The following TSPAN18 variants were observed in gnomAD, a reference collection of about 807,000 sequenced individuals.
TSPAN18 encodes the protein tetraspanin-18.
A neutral mutation model predicts 27.3 loss-of-function variants in TSPAN18; 14 were observed. The ratio of observed to expected loss-of-function variants is 0.51; its 90% CI spans 0.34 to 0.80. The LOEUF is 0.80. TSPAN18 is among the 30% of genes least tolerant of loss of function. The pLI is 0.01. For synonymous variants in TSPAN18, 143 were observed against 136.5 expected (o/e 1.05, Z -0.33); for missense variants, 268 against 323.9 (o/e 0.83, Z 1.32).
At chr11:44,813,034 A>G (rs1338210549) in intron 2 of TSPAN18, among the ~76,000 whole-genome samples, 1 of 152,150 alleles carries the variant, frequency 6.6e-6, no homozygotes, top group Non-Finnish European at 1.5e-5. Flanking sequence ...CTCACCTTGC[A>G]GCAGCCTGCT....
chr11:44,880,303 G>A (rs1355671988), intron 3 of TSPAN18, among the ~76,000 whole-genome samples: 1 of 152,228 alleles, frequency 6.6e-6, no homozygotes, highest in African/African-American at 2.4e-5. Context: ...GGTCCCATAC[G>A]CAGGGCTGGA....
chr11:44,877,263 A>G (rs572802714), intron 3 of TSPAN18, among the ~76,000 whole-genome samples: 1 of 152,346 alleles, frequency 6.6e-6, no homozygotes, highest in African/African-American at 2.4e-5. Context: ...TGAAGTCACT[A>G]CTGTGATCTT....
intron 2 of TSPAN18, among the ~76,000 whole-genome samples, chr11:44,801,159 G>T (rs139771354): frequency 4.6e-5 from 7 of 152,254 alleles, no homozygotes; most frequent in Non-Finnish European, 8.8e-5. Context: ...CAGGATTGTC[G>T]GATTGTTGGG....
At chr11:44,745,559 G>A (rs1257678451) in intron 1 of TSPAN18, among the ~76,000 whole-genome samples, 1 of 152,192 alleles carries the variant, frequency 6.6e-6, no homozygotes, top group African/African-American at 2.4e-5. Context: ...GGCATGAGTT[G>A]GGGGGTGTCC....
intron 2 of TSPAN18, among the ~76,000 whole-genome samples, chr11:44,780,964 C>G (rs1398260621): frequency 6.6e-6 from 1 of 152,250 alleles, no homozygotes; most frequent in Non-Finnish European, 1.5e-5. Context: ...GGAGTACCTG[C>G]TTTTCAGACA....
At chr11:44,825,978 A>C (rs1409162937) in intron 2 of TSPAN18, among the ~76,000 whole-genome samples, 2 of 152,144 alleles carry the variant, frequency 1.3e-5, no homozygotes. Flanking sequence ...CTCCTCTCTC[A>C]GCCTGCATTT....
intron 1 of TSPAN18, among the ~76,000 whole-genome samples, chr11:44,731,591 C>A (rs1854655684): frequency 9.1e-6 from 1 of 109,430 alleles, no homozygotes; most frequent in African/African-American, 3.3e-5. Context: ...TTTCTGGGGC[C>A]TGGATTGTGT....
intron 8 of TSPAN18, among the ~76,000 whole-genome samples, chr11:44,922,935 C>A (rs1246920015): frequency 6.6e-6 from 1 of 152,110 alleles, no homozygotes; most frequent in Non-Finnish European, 1.5e-5. Flanking sequence ...ACGGAGAAAC[C>A]CCGTCTCTAC....
At chr11:44,747,017 C>T (rs1855093824) in intron 1 of TSPAN18, among the ~76,000 whole-genome samples, 1 of 152,238 alleles carries the variant, frequency 6.6e-6, no homozygotes, top group African/African-American at 2.4e-5. Context: ...GCTGGCCCAG[C>T]CCTGTGTCCC....
chr11:44,800,436 C>T (rs1856454488), intron 2 of TSPAN18, among the ~76,000 whole-genome samples: 1 of 152,174 alleles, frequency 6.6e-6, no homozygotes, highest in Non-Finnish European at 1.5e-5. Flanking sequence ...GGACTAAATA[C>T]CTGTGCCGTA....
intron 2 of TSPAN18, among the ~76,000 whole-genome samples, chr11:44,843,722 G>A (rs1379810216): frequency 1.3e-5 from 2 of 152,066 alleles, no homozygotes; most frequent in African/African-American, 2.4e-5. Flanking sequence ...TCTCAGGGAC[G>A]TTCCCCATGC....
intron 2 of TSPAN18, among the ~76,000 whole-genome samples, chr11:44,853,979 A>AATT (rs1857666995): frequency 6.6e-6 from 1 of 152,222 alleles, no homozygotes; most frequent in African/African-American, 2.4e-5. Flanking sequence ...AAGGCCGGGT[A>AATT]ATTAGCAAAC....
chr11:44,883,624 G>A (rs116762985), intron 3 of TSPAN18, among the ~76,000 whole-genome samples: 1,739 of 152,334 alleles, frequency 0.011, 27 homozygotes, highest in African/African-American at 0.039. Flanking sequence ...AGAAGCCCAA[G>A]GCAGGCAAGT....
chr11:44,771,497 T>G (rs1016070799), intron 2 of TSPAN18, among the ~76,000 whole-genome samples: 1 of 152,194 alleles, frequency 6.6e-6, no homozygotes, highest in Non-Finnish European at 1.5e-5. Flanking sequence ...ACATAAAATG[T>G]GACAGGAGCA....
chr11:44,794,705 G>A (rs542242037), intron 2 of TSPAN18, among the ~76,000 whole-genome samples: 1 of 151,764 alleles, frequency 6.6e-6, no homozygotes, highest in South Asian at 2.1e-4. Flanking sequence ...TCTCTGTTCC[G>A]AGACGTAAGT....
At chr11:44,846,084 G>A (rs115652633) in intron 2 of TSPAN18, among the ~76,000 whole-genome samples, 99 of 152,348 alleles carry the variant, frequency 6.5e-4, no homozygotes, top group African/African-American at 2.1e-3. Context: ...GCACTGTGCC[G>A]AGTACTTTGC....
At chr11:44,868,172 C>T (rs1052302809) in intron 3 of TSPAN18, among the ~76,000 whole-genome samples, 4 of 152,196 alleles carry the variant, frequency 2.6e-5, no homozygotes, top group Non-Finnish European at 5.9e-5. Flanking sequence ...AGATCCTTCC[C>T]TCAGGGGACG....
At chr11:44,878,892 C>T (rs1440202996) in intron 3 of TSPAN18, among the ~76,000 whole-genome samples, 1 of 122,320 alleles carries the variant, frequency 8.2e-6, no homozygotes, top group Non-Finnish European at 2.0e-5. Context: ...GAGAGCTTCC[C>T]CATTGTGTGT....
At chr11:44,872,339 G>C (rs570535397) in intron 3 of TSPAN18, among the ~76,000 whole-genome samples, 2 of 152,264 alleles carry the variant, frequency 1.3e-5, no homozygotes, top group Non-Finnish European at 2.9e-5. Context: ...ATGAAGTCAC[G>C]TTGGGGGTTA....
Sources: gnomAD v4.1 joint callset for allele counts (sites outside exome capture counted in the v4.1 genomes callset) on GRCh38, gnomAD v4.1.1 for gene constraint, MANE v1.5 for transcripts, NCBI Gene and HGNC (gene_info 2026-07-23, HGNC 2026-07-21) for gene names.